LHFPL3: variants seen among roughly 807,000 people sequenced by gnomAD.
The protein encoded by LHFPL3 is LHFPL tetraspan subfamily member 3.
LHFPL3 carries 5 observed loss-of-function variants against 19.3 expected under a neutral mutation model. The observed-to-expected ratio is 0.26, with a 90% CI of 0.14 to 0.54. The LOEUF (loss-of-function observed/expected upper bound fraction) is 0.54, where lower values mean the gene tolerates loss of function less well. Among genes scored for constraint, LHFPL3 ranks in the 20% least tolerant of loss-of-function variants. The pLI is 0.94. For synonymous variants in LHFPL3, 133 were observed against 126.2 expected (o/e 1.05, Z -0.36); for missense variants, 249 against 307.4 (o/e 0.81, Z 1.42).
At chr7:104,844,884 C>T (rs141963790) in intron 2 of LHFPL3, among the ~76,000 whole-genome samples, 69 of 152,278 alleles carry the variant, frequency 4.5e-4, no homozygotes, top group African/African-American at 1.6e-3. Flanking sequence ...GGATTACAGG[C>T]GCTCACCACT....
chr7:104,873,487 TGCGGTAGCACTACACC>T (rs1791874117), intron 2 of LHFPL3, among the ~76,000 whole-genome samples: 3 of 127,616 alleles, frequency 2.4e-5, no homozygotes, highest in African/African-American at 1.1e-4. Flanking sequence ...TAGCCAGGCG[TGCGGTAGCACTACACC>T]GGTTATCCTA....
intron 1 of LHFPL3, chr7:104,668,722 C>A (rs372910750): frequency 1.2e-5 from 19 of 1,570,300 alleles, no homozygotes; most frequent in South Asian, 9.0e-5. Context: ...AGAGGTCCCC[C>A]CCCCCCCAAA....
chr7:104,729,124 A>G (rs1034674942), intron 1 of LHFPL3, among the ~76,000 whole-genome samples: 2 of 152,212 alleles, frequency 1.3e-5, no homozygotes, highest in Non-Finnish European at 2.9e-5. Context: ...GTGGTGCCAC[A>G]CTATTTTGCA....
At chr7:104,725,413 TGATTCCCA>T in intron 1 of LHFPL3, among the ~76,000 whole-genome samples, 1 of 152,374 alleles carries the variant, frequency 6.6e-6, no homozygotes, top group Middle Eastern at 3.4e-3. Context: ...ATTCTTCAGG[TGATTCCCA>T]TTTGTAAAAT....
intron 2 of LHFPL3, among the ~76,000 whole-genome samples, chr7:104,889,292 G>C (rs576272228): frequency 1.1e-4 from 16 of 152,324 alleles, no homozygotes; most frequent in Non-Finnish European, 2.1e-4. Flanking sequence ...ATGAAGTGGG[G>C]TGACTCTTCA....
At chr7:104,579,251 C>A (rs888761082) in intron 1 of LHFPL3, among the ~76,000 whole-genome samples, 1 of 151,994 alleles carries the variant, frequency 6.6e-6, no homozygotes, top group Non-Finnish European at 1.5e-5. Context: ...TCTATTGAAC[C>A]CATCACCAAA....
chr7:104,847,073 A>G (rs1791326800), intron 2 of LHFPL3, among the ~76,000 whole-genome samples: 2 of 152,248 alleles, frequency 1.3e-5, no homozygotes, highest in Non-Finnish European at 2.9e-5. Context: ...GCAGATGAGG[A>G]GCACACAGCC....
intron 1 of LHFPL3, among the ~76,000 whole-genome samples, chr7:104,382,063 C>G (rs550984361): frequency 2.6e-5 from 4 of 152,174 alleles, no homozygotes; most frequent in African/African-American, 9.7e-5. Context: ...TCCCTTACCT[C>G]CCCATATAAT....
intron 1 of LHFPL3, among the ~76,000 whole-genome samples, chr7:104,703,837 T>C (rs1793142864): frequency 6.6e-6 from 1 of 152,212 alleles, no homozygotes; most frequent in Non-Finnish European, 1.5e-5. Flanking sequence ...CAGCTCTCTC[T>C]TCTTTGCATT....
intron 1 of LHFPL3, among the ~76,000 whole-genome samples, chr7:104,462,295 G>A (rs11768625): frequency 0.21 from 31,699 of 152,130 alleles, 3,593 homozygotes; most frequent in African/African-American, 0.31. Flanking sequence ...AGGAGTTGTA[G>A]GAGAGGGCAT....
At chr7:104,459,770 T>A (rs1792621825) in intron 1 of LHFPL3, among the ~76,000 whole-genome samples, 2 of 152,210 alleles carry the variant, frequency 1.3e-5, no homozygotes, top group Admixed American at 6.5e-5. Flanking sequence ...GGTATACTCC[T>A]TTTTTATGCA....
chr7:104,503,201 A>G (rs1241314005), intron 1 of LHFPL3, among the ~76,000 whole-genome samples: 2 of 152,162 alleles, frequency 1.3e-5, no homozygotes, highest in African/African-American at 2.4e-5. Flanking sequence ...CTAAGAAGGT[A>G]TAAAAAGATG....
chr7:104,401,828 A>G (rs986639141), intron 1 of LHFPL3, among the ~76,000 whole-genome samples: 1 of 152,204 alleles, frequency 6.6e-6, no homozygotes, highest in African/African-American at 2.4e-5. Context: ...TCAGCCGTGC[A>G]CCCCTCATTA....
chr7:104,870,370 C>T (rs1261369130), intron 2 of LHFPL3, among the ~76,000 whole-genome samples: 1 of 152,202 alleles, frequency 6.6e-6, no homozygotes, highest in Non-Finnish European at 1.5e-5. Flanking sequence ...CACTTACCAA[C>T]TCTGTGACCA....
intron 1 of LHFPL3, among the ~76,000 whole-genome samples, chr7:104,330,023 T>C (rs1012311386): frequency 2.6e-5 from 4 of 152,248 alleles, no homozygotes; most frequent in Admixed American, 2.6e-4. Flanking sequence ...CTCCGATCAC[T>C]CTTTCCCTGT....
intron 1 of LHFPL3, among the ~76,000 whole-genome samples, chr7:104,678,135 T>G (rs1209434934): frequency 6.6e-6 from 1 of 152,232 alleles, no homozygotes; most frequent in African/African-American, 2.4e-5. Context: ...TTAGGTGTAT[T>G]ACAGTAGATT....
At chr7:104,570,782 C>A (rs114344554) in intron 1 of LHFPL3, among the ~76,000 whole-genome samples, 2,092 of 152,230 alleles carry the variant, frequency 0.014, 44 homozygotes, top group African/African-American at 0.048. Flanking sequence ...TATTTCATCA[C>A]TCAGGAATTA....
chr7:104,807,546 C>G (rs1434148691), intron 2 of LHFPL3, among the ~76,000 whole-genome samples: 1 of 152,186 alleles, frequency 6.6e-6, no homozygotes, highest in Non-Finnish European at 1.5e-5. Context: ...TTCGGGTTGA[C>G]AAGAGATACA....
chr7:104,579,408 C>A (rs544682021), intron 1 of LHFPL3, among the ~76,000 whole-genome samples: 1 of 152,110 alleles, frequency 6.6e-6, no homozygotes, highest in Non-Finnish European at 1.5e-5. Context: ...TGAGAACATG[C>A]GGTATTGGGT....
Sources: gnomAD v4.1 joint callset for allele counts (sites outside exome capture counted in the v4.1 genomes callset) on GRCh38, gnomAD v4.1.1 for gene constraint, MANE v1.5 for transcripts, NCBI Gene and HGNC (gene_info 2026-07-23, HGNC 2026-07-21) for gene names.